The following VPS45 variants were observed in gnomAD, a reference collection of about 807,000 sequenced individuals.
VPS45 encodes vacuolar protein sorting 45 homolog, also known as vacuolar protein sorting-associated protein 45.
VPS45 carries 35 observed loss-of-function variants against 75.9 expected under a neutral mutation model. The observed-to-expected ratio is 0.46, with a 90% CI of 0.35 to 0.61. VPS45 has a LOEUF of 0.61. VPS45 is among the 20% of genes least tolerant of loss of function. VPS45 has a pLI of 0.00. For missense variants in VPS45, 559 were observed against 685.9 expected, an observed-to-expected ratio of 0.81 and a Z score of 2.07; for synonymous variants, 220 against 238.2, an observed-to-expected ratio of 0.92 and a Z score of 0.70.
At chr1:150,084,056 G>A (rs1553800126) in intron 10 of VPS45, among the ~76,000 whole-genome samples, 1 of 152,150 alleles carries the variant, frequency 6.6e-6, no homozygotes, top group Non-Finnish European at 1.5e-5. Context: ...GCAAGATTTG[G>A]ATGGACCACA....
intron 14 of VPS45, among the ~76,000 whole-genome samples, chr1:150,140,151 G>A (rs1286027241): frequency 2.6e-5 from 4 of 152,076 alleles, no homozygotes; most frequent in Admixed American, 6.5e-5. Flanking sequence ...TGATCCTCCC[G>A]CCTTGGCCTC....
intron 7 of VPS45, 115 bp downstream of exon 7, chr1:150,077,894 C>T: frequency 1.2e-6 from 1 of 829,862 alleles, no homozygotes; most frequent in Middle Eastern, 2.2e-4. Context: ...TTTAGCTATT[C>T]TTGGTTTTGC....
At chr1:150,111,767 A>G (rs1393285052) in intron 14 of VPS45, among the ~76,000 whole-genome samples, 1 of 152,206 alleles carries the variant, frequency 6.6e-6, no homozygotes, top group Non-Finnish European at 1.5e-5. Flanking sequence ...TTTTTAATTC[A>G]GAAAGTACAA....
chr1:150,134,809 G>GT (rs1440198549), intron 14 of VPS45, among the ~76,000 whole-genome samples: 1 of 152,078 alleles, frequency 6.6e-6, no homozygotes, highest in African/African-American at 2.4e-5. Flanking sequence ...TAGACGTGAG[G>GT]TTTTTTGTTA....
At chr1:150,074,014 T>C (rs1194907332) in intron 3 of VPS45, among the ~76,000 whole-genome samples, 3 of 15,132 alleles carry the variant, frequency 2.0e-4, no homozygotes, top group South Asian at 5.7e-3. Flanking sequence ...TGTGTTGTTT[T>C]TGTTTTTTTT....
chr1:150,141,801 T>C (rs1181639324), intron 14 of VPS45, among the ~76,000 whole-genome samples: 1 of 152,208 alleles, frequency 6.6e-6, no homozygotes. Context: ...AACTAAGGTG[T>C]ACATTTGTAC....
At chr1:150,142,195 A>G (rs1170095590) in intron 14 of VPS45, among the ~76,000 whole-genome samples, 2 of 152,194 alleles carry the variant, frequency 1.3e-5, no homozygotes, top group East Asian at 3.8e-4. Context: ...GTTGATATAC[A>G]GAGGAGGATC....
chr1:150,129,434 T>G (rs1230222797), intron 14 of VPS45, among the ~76,000 whole-genome samples: 1 of 152,172 alleles, frequency 6.6e-6, no homozygotes, highest in Non-Finnish European at 1.5e-5. Context: ...AATCAATATA[T>G]AATTCCTGTA....
chr1:150,126,482 G>A (rs1658525252), intron 14 of VPS45, among the ~76,000 whole-genome samples: 1 of 151,926 alleles, frequency 6.6e-6, no homozygotes, highest in Admixed American at 6.6e-5. Flanking sequence ...CAAAGTGCTG[G>A]GATTACAGGC....
At chr1:150,112,582 A>G (rs1430981692) in intron 14 of VPS45, among the ~76,000 whole-genome samples, 3 of 152,124 alleles carry the variant, frequency 2.0e-5, no homozygotes, top group African/African-American at 7.2e-5. Context: ...GTCTTTCCCA[A>G]CACCATTTTT....
rs587694862 is a variant in VPS45, at chr1:150,137,530, T to C, written c.1626-7179T>C. Among the ~76,000 whole-genome samples the C allele has an allele frequency of 4.6e-5, 7 of 152,306 alleles. No individual in the cohort carries two copies. In the South Asian group the frequency reaches 1.5e-3, roughly 32 times the overall value. ...TTCCACTTGGGCACCAGAGCCCATC[T>C]ACCTCACCTACACCGGGATATCTCT... On this transcript the variant is annotated intron_variant, in intron 14 of 14. Transcript: ENST00000644510.
At chr1:150,117,583 G>C (rs1216110618) in intron 14 of VPS45, among the ~76,000 whole-genome samples, 1 of 151,946 alleles carries the variant, frequency 6.6e-6, no homozygotes, top group Non-Finnish European at 1.5e-5. Context: ...TGGGGGCCAG[G>C]CATCGTGGCT....
chr1:150,137,707 C>G (rs142554128), intron 14 of VPS45, among the ~76,000 whole-genome samples: 4,104 of 152,154 alleles, frequency 0.027, 142 homozygotes, highest in African/African-American at 0.089. Flanking sequence ...CTGAGCTCAG[C>G]AGTTTGAGAC....
intron 13 of VPS45, among the ~76,000 whole-genome samples, chr1:150,104,931 G>C (rs981053147): frequency 6.6e-6 from 1 of 152,248 alleles, no homozygotes; most frequent in East Asian, 1.9e-4. Flanking sequence ...GAGGGGACAT[G>C]AGCAAGGATG....
intron 7 of VPS45, among the ~76,000 whole-genome samples, chr1:150,079,398 T>C (rs1553798813): frequency 2.0e-5 from 3 of 152,086 alleles, no homozygotes; most frequent in Non-Finnish European, 4.4e-5. Context: ...GCTCTATTAA[T>C]AGTGATTTTG....
At chr1:150,104,166 A>G (rs1657188967) in intron 13 of VPS45, among the ~76,000 whole-genome samples, 1 of 151,856 alleles carries the variant, frequency 6.6e-6, no homozygotes, top group South Asian at 2.1e-4. Context: ...TTTTTCAGTC[A>G]TCTCCCTTCC....
intron 13 of VPS45, among the ~76,000 whole-genome samples, chr1:150,097,157 G>A (rs1269287882): frequency 1.0e-4 from 15 of 146,220 alleles, no homozygotes; most frequent in South Asian, 2.2e-4. Flanking sequence ...GTGCCATCTC[G>A]GCTCACTGCA....
At chr1:150,074,085 A>C (rs1553797575) in intron 3 of VPS45, among the ~76,000 whole-genome samples, 1 of 150,074 alleles carries the variant, frequency 6.7e-6, no homozygotes, top group Non-Finnish European at 1.5e-5. Flanking sequence ...CGCCATCTCA[A>C]CTCACTGCAA....
chr1:150,098,018 T>G (rs1336817450), intron 13 of VPS45, among the ~76,000 whole-genome samples: 1 of 152,050 alleles, frequency 6.6e-6, no homozygotes, highest in Non-Finnish European at 1.5e-5. Context: ...CCTAGCTAAT[T>G]TTTGCATTTT....
Sources: gnomAD v4.1 joint callset for allele counts (sites outside exome capture counted in the v4.1 genomes callset) on GRCh38, gnomAD v4.1.1 for gene constraint, MANE v1.5 for transcripts, NCBI Gene and HGNC (gene_info 2026-07-23, HGNC 2026-07-21) for gene names.